The following DPYSL4 variants were observed in gnomAD, a reference collection of about 807,000 sequenced individuals.
DPYSL4 encodes dihydropyrimidinase-related protein 4.
DPYSL4 carries 43 observed loss-of-function variants against 63.4 expected under a neutral mutation model. The ratio of observed to expected loss-of-function variants is 0.68; its 90% CI spans 0.53 to 0.88. The LOEUF (loss-of-function observed/expected upper bound fraction) is 0.88. Among genes scored for constraint, DPYSL4 ranks in the 40% least tolerant of loss-of-function variants. The pLI is 0.00. For synonymous variants in DPYSL4, 353 were observed against 331.7 expected (o/e 1.06, Z -0.70); for missense variants, 733 against 819.5 (o/e 0.89, Z 1.29).
intron 10 of DPYSL4, among the ~76,000 whole-genome samples, 163 bp from the exon 11 acceptor site, chr10:132,201,783 C>T (rs1046571184): frequency 2.0e-5 from 3 of 152,150 alleles, no homozygotes; most frequent in Non-Finnish European, 2.9e-5. Context: ...CGTGTCCTGC[C>T]GTCCAACCTT....
At chr10:132,201,794 G>C in intron 10 of DPYSL4, 152 bp from the exon 11 acceptor site, 4 of 831,060 alleles carry the variant, frequency 4.8e-6, no homozygotes, top group Middle Eastern at 3.8e-4. Context: ...GTCCAACCTT[G>C]TGGGGGGCCT....
In DPYSL4 at chr10:132,190,403, C is replaced by T. The variant is rs114236678; in HGVS notation, c.40-344C>T. Among the ~76,000 whole-genome samples the T allele has an allele frequency of 4.9e-3, 753 of 152,356 alleles. 4 individuals carry two copies. Among genetic ancestry groups the T allele is most frequent in the South Asian group, 0.029 (142 of 4,832 alleles). ...GGCTGCACAGGAGGCCATGAGGCAGCGTTCGCCTCCCACCTCAGGCTGGGG... is the reference window on the plus strand; with the variant it reads ...GGCTGCACAGGAGGCCATGAGGCAGTGTTCGCCTCCCACCTCAGGCTGGGG... On this transcript the variant is annotated intron_variant, in intron 1 of 13. Transcript: ENST00000338492.
intron 2 of DPYSL4, among the ~76,000 whole-genome samples, chr10:132,191,272 C>T (rs111923173): frequency 1.1e-3 from 94 of 84,446 alleles, no homozygotes; most frequent in South Asian, 2.4e-3. Flanking sequence ...TACACGCTGG[C>T]CACGTGGTAT....
At chr10:132,201,024 G>A in intron 10 of DPYSL4, 41 bp downstream of exon 10, 1 of 1,602,944 alleles carries the variant, frequency 6.2e-7, no homozygotes. Context: ...CTGGGGAGCG[G>A]CTGTGGGCGG....
intron 8 of DPYSL4, among the ~76,000 whole-genome samples, 195 bp downstream of exon 8, chr10:132,199,166 G>C (rs547787019): frequency 6.6e-6 from 1 of 152,276 alleles, no homozygotes; most frequent in South Asian, 2.1e-4. Flanking sequence ...TTCCAGCCTT[G>C]CTGGAGCAGC....
At chr10:132,195,055 G>T (rs1307479874) in intron 4 of DPYSL4, 46 bp downstream of exon 4, 3 of 1,575,742 alleles carry the variant, frequency 1.9e-6, no homozygotes, top group Non-Finnish European at 2.6e-6. Flanking sequence ...GAGCCTGGTG[G>T]AGGAGCCTCT....
intron 8 of DPYSL4, 70 bp from the exon 9 acceptor site, chr10:132,200,286 G>C: frequency 6.3e-7 from 1 of 1,575,712 alleles, no homozygotes; most frequent in South Asian, 1.1e-5. Flanking sequence ...GGTGTCAGCA[G>C]CAGCAGTTCT....
Position 132,204,837 on chromosome 10 carries a change from A to G in DPYSL4, c.1628-2A>G. The G allele has an allele frequency of 6.2e-7, 1 of 1,603,794 alleles. No homozygotes were observed. Among genetic ancestry groups the G allele is most frequent in the Non-Finnish European group, 8.5e-7 (1 of 1,174,638 alleles). ...CCCTGCCCATCTGTGCCCTTTCTTC[A>G]GGGTCTCAGGCTGATGACCACATCG... On this transcript the variant is annotated splice_acceptor_variant, in intron 13 of 13. Transcript: ENST00000338492. LOFTEE classifies it high-confidence loss of function.
rs3736257 is a variant in DPYSL4 at position 132,201,981 on chromosome 10, G to T, written c.1146G>T (p.Ala382=). ...AGATGGACGAGAATGAGTTCGTCGC[G>T]GTGACCAGTACAAATGCTGCCAAAA... ...SGKMDENEFV[A]VTSTNAAKIF... Residue 382 remains alanine (A), a synonymous_variant, in exon 11 of 14, where the codon GCG becomes GCT. Coordinates refer to ENST00000338492, the MANE Select transcript of DPYSL4 (RefSeq NM_006426.3). The T allele has an allele frequency of 6.2e-7, 1 of 1,613,172 alleles. No individual in the cohort carries two copies. Among genetic ancestry groups the T allele is most frequent in the Non-Finnish European group, 8.5e-7 (1 of 1,179,908 alleles).
At chr10:132,195,422 A>G (rs1278839137) in intron 4 of DPYSL4, among the ~76,000 whole-genome samples, 1 of 152,166 alleles carries the variant, frequency 6.6e-6, no homozygotes, top group East Asian at 1.9e-4. Flanking sequence ...ATTTTTCCCC[A>G]CAAAAAACCC....
chr10:132,204,956 G>C lies in DPYSL4; in HGVS notation c.*26G>C. 1 of 1,579,196 alleles carries C rather than the reference G, an allele frequency of 6.3e-7. No individual in the cohort carries two copies. Among genetic ancestry groups the C allele is most frequent in the South Asian group, 1.2e-5 (1 of 86,078 alleles). On this transcript the variant is annotated 3_prime_UTR_variant, in exon 14 of 14. Transcript: ENST00000338492. ...ACGCCCAGGACCGGCCCTGTGAGCC[G>C]TGCTGGCCCCACCCGAGGCCGCGGG...
Position 132,190,791 on chromosome 10 carries a change from C to T in DPYSL4, c.84C>T (p.Asp28=). The change falls in exon 2 of 14, where the codon GAC becomes GAT. Residue 28 remains aspartate, a synonymous_variant. Coordinates refer to ENST00000338492, the MANE Select transcript of DPYSL4 (RefSeq NM_006426.3). ...LIRGGRIVND[D]QSFYADVHVE... is the part of the protein sequence containing the mutation. ...GAGGTGGGAGGATCGTGAATGACGACCAGTCCTTTTACGCTGATGTGCACG... is the reference window on the plus strand; with the variant it reads ...GAGGTGGGAGGATCGTGAATGACGATCAGTCCTTTTACGCTGATGTGCACG... The T allele has an allele frequency of 6.2e-7, 1 of 1,613,874 alleles. No homozygotes were observed. The highest frequency in any genetic ancestry group is 8.5e-7 in the Non-Finnish European group (1 of 1,179,892).
Position 132,204,940 on chromosome 10 carries a change from A to ACCGG in DPYSL4, c.*13_*16dup, listed in dbSNP as rs1565048802. 1.2e-6 allele frequency: 2 copies of ACCGG among 1,600,874 alleles called. No individual in the cohort carries two copies. The highest frequency in any genetic ancestry group is 3.3e-4 in the Middle Eastern group (2 of 5,996). ...CACCTCTCTCTCCTAGACGCCCAGG[A>ACCGG]CCGGCCCTGTGAGCCGTGCTGGCCC... On this transcript the variant is annotated 3_prime_UTR_variant, in exon 14 of 14. Transcript: ENST00000338492.
chr10:132,190,889 T>A, intron 2 of DPYSL4, 54 bp downstream of exon 2: 1 of 1,519,864 alleles, frequency 6.6e-7, no homozygotes, highest in Non-Finnish European at 9.0e-7. Flanking sequence ...TACACGCTGG[T>A]CACGTGGTAT....
At chr10:132,203,611 G>C (rs891524594) in intron 12 of DPYSL4, 151 bp from the exon 13 acceptor site, 4 of 718,120 alleles carry the variant, frequency 5.6e-6, no homozygotes, top group African/African-American at 5.3e-5. Context: ...CCCCAGGGCA[G>C]CCCCAAATTC....
intron 10 of DPYSL4, among the ~76,000 whole-genome samples, chr10:132,201,365 C>T (rs544570497): frequency 3.5e-4 from 53 of 152,358 alleles, no homozygotes; most frequent in Non-Finnish European, 6.6e-4. Flanking sequence ...CCCACCTCCC[C>T]GGGCAACTGA....
intron 10 of DPYSL4, 28 bp from the exon 11 acceptor site, chr10:132,201,917 GC>G (rs764631701): frequency 1.9e-5 from 30 of 1,596,012 alleles, no homozygotes; most frequent in Admixed American, 5.1e-5. Flanking sequence ...CCCACCCGTC[GC>G]CCTCAGCTCA....
At chr10:132,193,292 A>AAAGAT (rs1163924377) in intron 3 of DPYSL4, among the ~76,000 whole-genome samples, 1 of 152,272 alleles carries the variant, frequency 6.6e-6, no homozygotes, top group Non-Finnish European at 1.5e-5. Context: ...ATTTTTAGAA[A>AAAGAT]AAGATAAAAG....
intron 12 of DPYSL4, 129 bp downstream of exon 12, chr10:132,202,954 T>C (rs2062039882): frequency 8.7e-7 from 1 of 1,149,754 alleles, no homozygotes; most frequent in Non-Finnish European, 1.2e-6. Context: ...GGGCCGCTGC[T>C]TGCCCAGGGC....
Sources: allele counts gnomAD v4.1 joint callset (sites outside exome capture counted in the v4.1 genomes callset), GRCh38; gene constraint gnomAD v4.1.1; transcripts MANE v1.5; gene names NCBI Gene and HGNC (gene_info 2026-07-23, HGNC 2026-07-21).